GMPS: variants seen among roughly 807,000 people sequenced by gnomAD.
GMPS encodes the protein guanosine monophosphate synthase.
A neutral mutation model predicts 77.9 loss-of-function variants in GMPS; 15 were observed. The ratio of observed to expected loss-of-function variants is 0.19; its 90% CI spans 0.13 to 0.30. The LOEUF is 0.30. Among genes scored for constraint, GMPS ranks in the 10% least tolerant of loss-of-function variants. The pLI is 1.00. For synonymous variants in GMPS, 224 were observed against 275.9 expected (o/e 0.81, Z 1.86); for missense variants, 590 against 838.8 (o/e 0.70, Z 3.66).
In GMPS at chr3:155,903,902, A is replaced by T. The variant is rs138147895; in HGVS notation, c.364A>T (p.Ser122Cys). 5 of 1,562,512 alleles carry T rather than the reference A, an allele frequency of 3.2e-6. No individual in the cohort carries two copies. The Admixed American group carries it at 9.0e-5, about 28-fold the overall frequency. Residue 122 changes from serine to cysteine, a missense_variant, in exon 4 of 16, where the codon AGT becomes TGT. Transcript: ENST00000496455. ...ATTTGGAGGTACTGTGCACAAAAAA[A>T]GTGTCAGAGAAGATGGAGTTTTCAA... is the stretch of plus-strand genomic sequence containing the variant. ...KVFGGTVHKK[S>C]VREDGVFNIS...
intron 1 of GMPS, among the ~76,000 whole-genome samples, chr3:155,889,398 C>T (rs1169371328): frequency 1.3e-5 from 2 of 152,158 alleles, no homozygotes; most frequent in African/African-American, 2.4e-5. Context: ...GGTTCCCTGC[C>T]ACTTGTGTAC....
chr3:155,910,399 C>G (rs982343596), intron 5 of GMPS, among the ~76,000 whole-genome samples: 5 of 151,958 alleles, frequency 3.3e-5, no homozygotes, highest in African/African-American at 1.2e-4. Flanking sequence ...GAAACCCTAT[C>G]TCTACTAGAA....
At chr3:155,905,356 A>G (rs1242598607) in intron 4 of GMPS, among the ~76,000 whole-genome samples, 26 of 152,186 alleles carry the variant, frequency 1.7e-4, no homozygotes, top group Non-Finnish European at 1.2e-4. Context: ...TAACGTAAAC[A>G]GTATATTTTT....
intron 9 of GMPS, among the ~76,000 whole-genome samples, chr3:155,917,044 G>A (rs756919291): frequency 2.0e-5 from 3 of 150,802 alleles, no homozygotes; most frequent in Non-Finnish European, 2.9e-5. Flanking sequence ...ATGCGACCTC[G>A]GCTCACTGCA....
intron 11 of GMPS, among the ~76,000 whole-genome samples, chr3:155,924,215 G>A (rs1013751852): frequency 7.2e-5 from 11 of 152,228 alleles, no homozygotes; most frequent in African/African-American, 2.7e-4. Flanking sequence ...TTGAGGAGAA[G>A]CAGCAGGATG....
intron 3 of GMPS, among the ~76,000 whole-genome samples, chr3:155,903,080 G>C (rs1754768733): frequency 6.6e-6 from 1 of 152,132 alleles, no homozygotes; most frequent in Non-Finnish European, 1.5e-5. Context: ...CAGGGGATGG[G>C]TCAACCTGCA....
rs1470917726 is a variant in GMPS at position 155,870,671 on chromosome 3, C to T, written c.-200C>T. ...GGGCAGCGTGCGCGCTGCTGGTCTT[C>T]TCTCCCGCGGCGCTGGGGCCCGCGC... On this transcript the variant is annotated 5_prime_UTR_variant, in exon 1 of 16. Transcript: ENST00000496455. 1.4e-5 allele frequency: 7 copies of T among 500,044 alleles called. No homozygotes were observed. The highest frequency in any genetic ancestry group is 2.5e-5 in the Non-Finnish European group (7 of 281,652). The allele number at this position is 500,044 out of a possible 1,614,324, so 31.0% of individuals were successfully genotyped here.
intron 12 of GMPS, among the ~76,000 whole-genome samples, chr3:155,927,575 C>T (rs62287763): frequency 0.043 from 6,610 of 152,182 alleles, 258 homozygotes; most frequent in East Asian, 0.18. Flanking sequence ...GTCTCTTACC[C>T]TTTGAAGCTT....
At chr3:155,908,710 A>C (rs188413511) in intron 5 of GMPS, among the ~76,000 whole-genome samples, 27 of 152,338 alleles carry the variant, frequency 1.8e-4, no homozygotes, top group African/African-American at 5.5e-4. Flanking sequence ...ACCAAAAGGA[A>C]GATGTTTCTA....
intron 2 of GMPS, chr3:155,895,533 A>G (rs1386694096): frequency 6.6e-6 from 1 of 150,944 alleles, no homozygotes. Flanking sequence ...CTGGTCTTGA[A>G]CTCCTGAGCT....
intron 12 of GMPS, 48 bp from the exon 13 acceptor site, chr3:155,931,717 G>A (rs781397550): frequency 4.1e-6 from 3 of 725,668 alleles, no homozygotes. Context: ...AGTTAAACTG[G>A]TGTATCTTTT....
chr3:155,897,855 C>T (rs1275478246), intron 2 of GMPS, 72 bp from the exon 3 acceptor site: 7 of 798,452 alleles, frequency 8.8e-6, no homozygotes, highest in Non-Finnish European at 1.5e-5. Flanking sequence ...CTCAGTGGTA[C>T]AAGGGAGAGA....
intron 9 of GMPS, among the ~76,000 whole-genome samples, chr3:155,918,842 C>T (rs62286859): frequency 0.054 from 8,288 of 152,182 alleles, 315 homozygotes; most frequent in East Asian, 0.18. Context: ...AGATATACGA[C>T]TTGCAAATGT....
At chr3:155,933,685 T>C (rs757975100) in intron 13 of GMPS, among the ~76,000 whole-genome samples, 1 of 152,214 alleles carries the variant, frequency 6.6e-6, no homozygotes, top group Non-Finnish European at 1.5e-5. Flanking sequence ...CATTAAACTT[T>C]ACCATGATAG....
At chr3:155,921,599 C>A (rs898507291) in intron 10 of GMPS, among the ~76,000 whole-genome samples, 2 of 152,112 alleles carry the variant, frequency 1.3e-5, no homozygotes, top group African/African-American at 4.8e-5. Flanking sequence ...GAGTTCAAGA[C>A]CAGCCTGAAC....
intron 1 of GMPS, among the ~76,000 whole-genome samples, chr3:155,877,821 A>G (rs552758180): frequency 7.1e-6 from 1 of 141,052 alleles, no homozygotes; most frequent in Admixed American, 7.4e-5. Context: ...TTTTTGAGAC[A>G]GAGTCTCGCT....
chr3:155,896,595 A>C (rs1189088059), intron 2 of GMPS, among the ~76,000 whole-genome samples: 1 of 150,392 alleles, frequency 6.6e-6, no homozygotes, highest in Non-Finnish European at 1.5e-5. Flanking sequence ...ATTTTTTTAA[A>C]TTTTTTGTAG....
intron 1 of GMPS, among the ~76,000 whole-genome samples, chr3:155,872,154 T>G (rs1039599627): frequency 6.6e-6 from 1 of 152,218 alleles, no homozygotes; most frequent in African/African-American, 2.4e-5. Context: ...ATTTTAACAT[T>G]CTTTTTAAAA....
At chr3:155,911,497 T>C (rs188897976) in intron 7 of GMPS, among the ~76,000 whole-genome samples, 1 of 152,306 alleles carries the variant, frequency 6.6e-6, no homozygotes, top group African/African-American at 2.4e-5. Context: ...TAAATTAACA[T>C]TTTCTAGCTA....
Sources: gnomAD v4.1 joint callset for allele counts (sites outside exome capture counted in the v4.1 genomes callset) on GRCh38, gnomAD v4.1.1 for gene constraint, MANE v1.5 for transcripts, NCBI Gene and HGNC (gene_info 2026-07-23, HGNC 2026-07-21) for gene names.